The following IGSF5 variants were observed in gnomAD, a reference collection of about 807,000 sequenced individuals.
IGSF5 encodes the protein immunoglobulin superfamily member 5.
In IGSF5, 41 loss-of-function variants were observed where a neutral mutation model predicts 39.4. That is an observed-to-expected ratio of 1.04 (90% confidence interval 0.81 to 1.35). The LOEUF (loss-of-function observed/expected upper bound fraction) is 1.35. IGSF5 is among the 40% of genes most tolerant of loss of function. The pLI is 0.00. For missense variants in IGSF5, 487 were observed against 494.6 expected, an observed-to-expected ratio of 0.98 and a Z score of 0.15; for synonymous variants, 183 against 175.3, an observed-to-expected ratio of 1.04 and a Z score of -0.34.
At chr21:39,749,895 A>T (rs564224014) in intron 2 of IGSF5, among the ~76,000 whole-genome samples, 4 of 152,344 alleles carry the variant, frequency 2.6e-5, no homozygotes, top group African/African-American at 9.6e-5. Flanking sequence ...TGTCTCAGGT[A>T]AGCAGAGAGA....
chr21:39,750,819 G>A (rs1365318022), intron 2 of IGSF5, among the ~76,000 whole-genome samples: 1 of 152,252 alleles, frequency 6.6e-6, no homozygotes, highest in Non-Finnish European at 1.5e-5. Context: ...ACCAGCCGCT[G>A]GGCCTTTGCT....
At chr21:39,719,802 C>G in the IGSF5 span, among the ~76,000 whole-genome samples, 9 of 152,332 alleles carry the variant, frequency 5.9e-5, no homozygotes, top group African/African-American at 2.2e-4. Context: ...TCCCGCCATG[C>G]CATAGGGCCT....
upstream of IGSF5, among the ~76,000 whole-genome samples, chr21:39,742,512 C>A (rs78356787): frequency 0.043 from 6,585 of 152,314 alleles, 280 homozygotes; most frequent in East Asian, 0.22. Flanking sequence ...TTGCCCTGGG[C>A]ACCCTCAGCC....
At chr21:39,801,157 G>C (rs201305545) in intron 8 of IGSF5, 105 bp from the exon 9 acceptor site, 2 of 786,324 alleles carry the variant, frequency 2.5e-6, no homozygotes, top group Non-Finnish European at 4.3e-6. Flanking sequence ...GTTCCTCTCC[G>C]TACCTTAATT....
rs560463310 is a variant in IGSF5, at chr21:39,755,820, C to T, written c.100+9522C>T. On this transcript the variant is annotated intron_variant, in intron 2 of 8. Transcript: ENST00000380588. ...GTATTTCAAACCTTATATTAAATTA[C>T]GGGCTGGGAGTGGTGGCTCATGCCT... 5.3e-5 allele frequency among the ~76,000 whole-genome samples: 8 copies of T among 151,836 alleles called. No individual in the cohort carries two copies. The South Asian group carries it at 6.3e-4, about 12-fold the overall frequency.
chr21:39,733,735 G>A, the IGSF5 span, among the ~76,000 whole-genome samples: 1 of 152,176 alleles, frequency 6.6e-6, no homozygotes, highest in African/African-American at 2.4e-5. Flanking sequence ...TCCCTTTGAC[G>A]GCTCTAGGGA....
the IGSF5 span, among the ~76,000 whole-genome samples, chr21:39,716,751 A>C: frequency 6.6e-6 from 1 of 152,162 alleles, no homozygotes; most frequent in Admixed American, 6.5e-5. Context: ...TCTGTCACTG[A>C]TGGGCATTTA....
Position 39,779,217 on chromosome 21 carries a change from T to A in IGSF5, c.846T>A (p.Thr282=), listed in dbSNP as rs2080156760. Residue 282 remains threonine (T), a synonymous_variant, in exon 5 of 9, where the codon ACT becomes ACA. Coordinates refer to ENST00000380588, the MANE Select transcript of IGSF5 (RefSeq NM_001080444.2). ...CCATGCTTCTGACGCCGACGTGTAC[T>A]CTTACAATACGCTGCTGCTGCTGCC... ...AGTMLLTPTC[T]LTIRCCCCRR... is the part of the protein sequence containing the mutation. 1.9e-6 allele frequency: 3 copies of A among 1,614,022 alleles called. No homozygotes were observed. The highest frequency in any genetic ancestry group is 4.5e-5 in the East Asian group (2 of 44,890).
In IGSF5 at chr21:39,801,424, C is replaced by G. The variant is rs1307329216; in HGVS notation, c.*67C>G. The G allele has an allele frequency of 8.6e-6, 10 of 1,164,406 alleles. No homozygotes were observed. Among genetic ancestry groups the G allele is most frequent in the Non-Finnish European group, 1.3e-5 (10 of 782,614 alleles). The allele number at this position is 1,164,406 out of a possible 1,614,324, so 72.1% of individuals were successfully genotyped here. ...TCAAAACACGGCGATGGCATCCTTC[C>G]TTTCCATCCTAAGACTGGCCTGCAG... On this transcript the variant is annotated 3_prime_UTR_variant, in exon 9 of 9. Transcript: ENST00000380588.
upstream of IGSF5, among the ~76,000 whole-genome samples, chr21:39,744,342 G>A (rs749061962): frequency 6.6e-5 from 10 of 152,306 alleles, no homozygotes; most frequent in South Asian, 2.1e-4. Context: ...ATGCAAATTC[G>A]TTTCAGAGAG....
chr21:39,797,517 C>A (rs139968858), intron 8 of IGSF5, among the ~76,000 whole-genome samples: 1 of 152,022 alleles, frequency 6.6e-6, no homozygotes, highest in South Asian at 2.1e-4. Context: ...GCTTGCCCGG[C>A]CTTTAAAAAT....
chr21:39,763,934 C>T (rs995023537), intron 2 of IGSF5, among the ~76,000 whole-genome samples: 1 of 151,944 alleles, frequency 6.6e-6, no homozygotes, highest in African/African-American at 2.4e-5. Flanking sequence ...GAGAGATTTG[C>T]CTTGAGGTCA....
At chr21:39,746,859 C>G (rs2079977942) in intron 2 of IGSF5, among the ~76,000 whole-genome samples, 1 of 152,196 alleles carries the variant, frequency 6.6e-6, no homozygotes, top group South Asian at 2.1e-4. Flanking sequence ...TCTATTCGCC[C>G]TTCAAGTGAG....
At chr21:39,767,294 G>A (rs866932875) in intron 3 of IGSF5, among the ~76,000 whole-genome samples, 1 of 152,154 alleles carries the variant, frequency 6.6e-6, no homozygotes, top group Non-Finnish European at 1.5e-5. Context: ...TCATGGGTTT[G>A]TTGTGTGGAT....
At chr21:39,725,072 A>T in the IGSF5 span, among the ~76,000 whole-genome samples, 1 of 152,190 alleles carries the variant, frequency 6.6e-6, no homozygotes, top group Admixed American at 6.5e-5. Context: ...ACTCAAGCGG[A>T]TGCTATTCTG....
At chr21:39,720,933 C>G in the IGSF5 span, among the ~76,000 whole-genome samples, 2 of 152,072 alleles carry the variant, frequency 1.3e-5, no homozygotes, top group Non-Finnish European at 2.9e-5. Context: ...CAAAACAAAA[C>G]AAACAAAACC....
chr21:39,754,865 C>T (rs2080022084), intron 2 of IGSF5, among the ~76,000 whole-genome samples: 1 of 152,176 alleles, frequency 6.6e-6, no homozygotes, highest in African/African-American at 2.4e-5. Context: ...CAACTGCATA[C>T]ACCCTTCAAA....
intron 6 of IGSF5, among the ~76,000 whole-genome samples, chr21:39,788,740 G>A (rs1353327975): frequency 1.3e-5 from 2 of 152,190 alleles, no homozygotes; most frequent in Non-Finnish European, 2.9e-5. Flanking sequence ...TAAGGTAACT[G>A]TGTCAAGGAC....
At chr21:39,752,579 G>A (rs2146272152) in intron 2 of IGSF5, among the ~76,000 whole-genome samples, 1 of 152,288 alleles carries the variant, frequency 6.6e-6, no homozygotes, top group Admixed American at 6.5e-5. Flanking sequence ...AGTTCTTTAA[G>A]GAACCTCCTA....
Sources: gnomAD v4.1 joint callset for allele counts (sites outside exome capture counted in the v4.1 genomes callset) on GRCh38, gnomAD v4.1.1 for gene constraint, MANE v1.5 for transcripts, NCBI Gene and HGNC (gene_info 2026-07-23, HGNC 2026-07-21) for gene names.